Variants in GUCY1A2 observed in about 807,000 individuals in gnomAD.
GUCY1A2 encodes guanylate cyclase soluble subunit alpha-2.
A neutral mutation model predicts 63.5 loss-of-function variants in GUCY1A2; 27 were observed. That is an observed-to-expected ratio of 0.43 (90% confidence interval 0.31 to 0.59). The LOEUF (loss-of-function observed/expected upper bound fraction) is 0.59. Among genes scored for constraint, GUCY1A2 ranks in the 20% least tolerant of loss-of-function variants. The pLI, the probability that GUCY1A2 is intolerant of heterozygous loss-of-function variation, is 0.11. For missense variants in GUCY1A2, 768 were observed against 913.3 expected (o/e 0.84, Z 2.05); for synonymous variants, 364 against 343.5 (o/e 1.06, Z -0.66).
At chr11:106,872,271 T>G (rs1280511139) in intron 4 of GUCY1A2, among the ~76,000 whole-genome samples, 1 of 152,184 alleles carries the variant, frequency 6.6e-6, no homozygotes, top group Non-Finnish European at 1.5e-5. Flanking sequence ...CTATGGGTTT[T>G]AAAGTCAATA....
chr11:106,728,415 A>G (rs138392330), intron 6 of GUCY1A2, among the ~76,000 whole-genome samples: 1 of 152,290 alleles, frequency 6.6e-6, no homozygotes, highest in Non-Finnish European at 1.5e-5. Context: ...ATTCTCCTGA[A>G]GAGATAGAGA....
intron 6 of GUCY1A2, among the ~76,000 whole-genome samples, chr11:106,716,867 T>C (rs908009625): frequency 6.7e-6 from 1 of 150,222 alleles, no homozygotes; most frequent in Non-Finnish European, 1.5e-5. Flanking sequence ...TAGTGCAGGA[T>C]ACATTTGTGA....
chr11:106,697,819 G>T (rs1862745845), intron 7 of GUCY1A2, among the ~76,000 whole-genome samples: 2 of 152,050 alleles, frequency 1.3e-5, no homozygotes. Context: ...TTTTTGCCCA[G>T]TCAGCCCTGT....
intron 4 of GUCY1A2, among the ~76,000 whole-genome samples, chr11:106,835,482 A>G (rs1189313167): frequency 6.6e-6 from 1 of 151,784 alleles, no homozygotes; most frequent in Non-Finnish European, 1.5e-5. Context: ...AATAAAGAGA[A>G]TGGGGAGAAT....
intron 4 of GUCY1A2, among the ~76,000 whole-genome samples, chr11:106,915,063 C>G (rs932883945): frequency 1.3e-5 from 2 of 152,120 alleles, no homozygotes; most frequent in African/African-American, 4.8e-5. Context: ...AAGCAGGAAA[C>G]TCACTGCTAG....
intron 4 of GUCY1A2, among the ~76,000 whole-genome samples, chr11:106,885,181 G>A (rs1859881874): frequency 6.6e-6 from 1 of 152,050 alleles, no homozygotes; most frequent in Non-Finnish European, 1.5e-5. Context: ...ATTTACCAGG[G>A]CTCTGTTTTT....
chr11:106,925,004 C>G (rs1860502695), intron 4 of GUCY1A2, among the ~76,000 whole-genome samples: 1 of 151,960 alleles, frequency 6.6e-6, no homozygotes, highest in Admixed American at 6.6e-5. Context: ...AAGATCCTGT[C>G]TCAAAAAAAC....
At chr11:106,809,162 G>A (rs865933246) in intron 5 of GUCY1A2, among the ~76,000 whole-genome samples, 18 of 152,156 alleles carry the variant, frequency 1.2e-4, no homozygotes, top group South Asian at 2.1e-4. Flanking sequence ...GTAAAAATAA[G>A]TAGCTGGTCA....
chr11:106,739,020 A>G (rs959374665), intron 6 of GUCY1A2, among the ~76,000 whole-genome samples: 1 of 152,202 alleles, frequency 6.6e-6, no homozygotes, highest in African/African-American at 2.4e-5. Context: ...CTTCCTATCC[A>G]CGAGCATGGA....
At chr11:106,977,211 C>A (rs1030755527) in intron 3 of GUCY1A2, among the ~76,000 whole-genome samples, 2 of 152,066 alleles carry the variant, frequency 1.3e-5, no homozygotes, top group Admixed American at 1.3e-4. Flanking sequence ...ATCACCCCAC[C>A]CCTTGAAATC....
intron 4 of GUCY1A2, among the ~76,000 whole-genome samples, chr11:106,902,583 A>C (rs76999971): frequency 0.018 from 2,713 of 152,286 alleles, 36 homozygotes; most frequent in Non-Finnish European, 0.03. Context: ...GATCTTCTGG[A>C]TCTCCTGCAG....
chr11:106,797,524 G>C (rs1864788662), intron 5 of GUCY1A2, among the ~76,000 whole-genome samples: 2 of 152,050 alleles, frequency 1.3e-5, no homozygotes, highest in Non-Finnish European at 2.9e-5. Context: ...TAACCACATA[G>C]TTGGAAGTAA....
intron 4 of GUCY1A2, among the ~76,000 whole-genome samples, chr11:106,880,593 T>A (rs961503859): frequency 2.0e-5 from 3 of 152,080 alleles, no homozygotes; most frequent in Non-Finnish European, 4.4e-5. Flanking sequence ...CAATAAACAA[T>A]CTAATTTCAT....
intron 1 of GUCY1A2, among the ~76,000 whole-genome samples, chr11:106,991,670 G>A (rs986795504): frequency 5.9e-5 from 9 of 152,238 alleles, no homozygotes; most frequent in African/African-American, 1.9e-4. Flanking sequence ...ACTCATAACC[G>A]CTTAATTCAA....
rs1261980633 is a variant in GUCY1A2 at position 106,678,150 on chromosome 11, G to C, written c.*9399C>G. The C allele has an allele frequency of 1.5e-5, 3 of 196,814 alleles. No homozygotes were observed. Among genetic ancestry groups the C allele is most frequent in the Non-Finnish European group, 3.2e-5 (3 of 94,910 alleles). The allele number at this position is 196,814 out of a possible 1,614,324, so 12.2% of individuals were successfully genotyped here. On this transcript the variant is annotated 3_prime_UTR_variant, in exon 8 of 8. Transcript: ENST00000526355. Reference sequence around the variant, plus strand: ...CTAAAAGTCCCCCTGAATTACTTTAGATAATTATACAGTCCTCTAGTTTAT... The same window carrying C: ...CTAAAAGTCCCCCTGAATTACTTTACATAATTATACAGTCCTCTAGTTTAT...
intron 5 of GUCY1A2, among the ~76,000 whole-genome samples, chr11:106,778,557 A>G (rs575827891): frequency 1.3e-5 from 2 of 152,218 alleles, no homozygotes; most frequent in East Asian, 3.9e-4. Flanking sequence ...GCTACTCGGG[A>G]GACTGAGGTA....
Position 106,785,449 on chromosome 11 carries a change from G to A in GUCY1A2, c.1693-8867C>T, listed in dbSNP as rs546155843. 2.5e-3 allele frequency among the ~76,000 whole-genome samples: 379 copies of A among 151,808 alleles called. 1 individual carries two copies. The highest frequency in any genetic ancestry group is 4.8e-3 in the Non-Finnish European group (323 of 67,950). On this transcript the variant is annotated intron_variant, in intron 5 of 7. Coordinates refer to ENST00000526355, the MANE Select transcript of GUCY1A2 (RefSeq NM_000855.3). ...AACTTTCTTACAACCATACCTGATG[G>A]ACAAATTTCTATCACTCTCACAGTA...
chr11:106,907,964 G>C (rs1860236572), intron 4 of GUCY1A2, among the ~76,000 whole-genome samples: 1 of 152,058 alleles, frequency 6.6e-6, no homozygotes, highest in South Asian at 2.1e-4. Context: ...CTTTCTGGCA[G>C]ATTTCTGCAA....
At position 106,959,415 on chromosome 11, in the gene GUCY1A2, C is replaced by A. The variant is rs772846951; in HGVS notation, c.487+19204G>T. ...CCTCCAGTTTTTGTGCATACTCACA[C>A]ATATTTTATGTACTCGGATTCATAA... On this transcript the variant is annotated intron_variant, in intron 3 of 7. Transcript: ENST00000526355. 1.2e-4 allele frequency among the ~76,000 whole-genome samples: 18 copies of A among 152,306 alleles called. No individual in the cohort carries two copies. In the South Asian group the frequency reaches 2.5e-3, roughly 21 times the overall value.
Sources: gnomAD v4.1 joint callset for allele counts (sites outside exome capture counted in the v4.1 genomes callset) on GRCh38, gnomAD v4.1.1 for gene constraint, MANE v1.5 for transcripts, NCBI Gene and HGNC (gene_info 2026-07-23, HGNC 2026-07-21) for gene names.